The following NPAS3 variants were observed in gnomAD, a reference collection of about 807,000 sequenced individuals.
NPAS3 encodes the protein neuronal PAS domain protein 3, also known as neuronal PAS domain-containing protein 3.
A neutral mutation model predicts 73.1 loss-of-function variants in NPAS3; 14 were observed. That is an observed-to-expected ratio of 0.19 (90% confidence interval 0.13 to 0.30). The LOEUF (loss-of-function observed/expected upper bound fraction) is 0.30. NPAS3 is among the 10% of genes least tolerant of loss of function. The pLI is 1.00. For synonymous variants in NPAS3, 620 were observed against 541.5 expected, an observed-to-expected ratio of 1.14 and a Z score of -2.01; for missense variants, 1,096 against 1,250.0, an observed-to-expected ratio of 0.88 and a Z score of 1.86.
intron 4 of NPAS3, among the ~76,000 whole-genome samples, chr14:33,480,496 T>A (rs1249992860): frequency 6.6e-6 from 1 of 150,786 alleles, no homozygotes; most frequent in Admixed American, 6.6e-5. Flanking sequence ...TCTCTCCGTC[T>A]GTCTCTCTCT....
intron 3 of NPAS3, among the ~76,000 whole-genome samples, chr14:33,337,276 A>G (rs4982071): frequency 0.62 from 94,896 of 151,956 alleles, 30,555 homozygotes; most frequent in Admixed American, 0.74. Flanking sequence ...ATTTACTCAA[A>G]TGTCCATGTT....
chr14:33,523,112 G>A (rs1045964170), intron 4 of NPAS3, among the ~76,000 whole-genome samples: 1 of 152,074 alleles, frequency 6.6e-6, no homozygotes, highest in Non-Finnish European at 1.5e-5. Context: ...TTATAATCCA[G>A]TAGAAGAAAT....
intron 2 of NPAS3, among the ~76,000 whole-genome samples, chr14:33,207,273 A>ACG (rs1566677274): frequency 1.7e-5 from 2 of 115,334 alleles, no homozygotes; most frequent in African/African-American, 7.2e-5. Context: ...ACACGCACAC[A>ACG]CACACACACA....
chr14:33,404,464 T>A (rs1308895329), intron 4 of NPAS3, among the ~76,000 whole-genome samples: 1 of 152,152 alleles, frequency 6.6e-6, no homozygotes, highest in East Asian at 1.9e-4. Context: ...TAATGGGTAC[T>A]TCATTTTTAA....
intron 2 of NPAS3, among the ~76,000 whole-genome samples, chr14:33,139,727 T>G (rs559743674): frequency 3.3e-5 from 5 of 152,280 alleles, no homozygotes; most frequent in Non-Finnish European, 5.9e-5. Context: ...GAAATAAAAA[T>G]ATGTTTCCTC....
chr14:33,520,937 T>C (rs1311897122), intron 4 of NPAS3, among the ~76,000 whole-genome samples: 1 of 152,176 alleles, frequency 6.6e-6, no homozygotes, highest in East Asian at 1.9e-4. Flanking sequence ...AATCGGATGA[T>C]AATGTGGTAA....
At chr14:33,002,397 A>G (rs1280046990) in intron 1 of NPAS3, among the ~76,000 whole-genome samples, 6 of 152,222 alleles carry the variant, frequency 3.9e-5, no homozygotes, top group Non-Finnish European at 7.3e-5. Context: ...ATTGGGAGCC[A>G]TTGATGGCTT....
chr14:33,288,416 G>A (rs768216728), intron 3 of NPAS3, among the ~76,000 whole-genome samples: 2 of 152,062 alleles, frequency 1.3e-5, no homozygotes, highest in African/African-American at 2.4e-5. Flanking sequence ...ACTTTGGAAT[G>A]GGCGAGCATG....
intron 4 of NPAS3, among the ~76,000 whole-genome samples, chr14:33,402,221 G>A (rs2138764233): frequency 6.6e-6 from 1 of 152,130 alleles, no homozygotes; most frequent in Non-Finnish European, 1.5e-5. Flanking sequence ...TGCTCAGTTT[G>A]TGGTGTCCTT....
intron 3 of NPAS3, among the ~76,000 whole-genome samples, chr14:33,344,022 G>A (rs545672835): frequency 8.5e-5 from 13 of 152,300 alleles, no homozygotes; most frequent in African/African-American, 2.4e-4. Flanking sequence ...TTCCCTTTAC[G>A]TGTTGTGACG....
At chr14:33,586,857 T>C (rs2056879364) in intron 5 of NPAS3, among the ~76,000 whole-genome samples, 1 of 152,196 alleles carries the variant, frequency 6.6e-6, no homozygotes, top group African/African-American at 2.4e-5. Context: ...GTGGATATCA[T>C]GCAACTCGAG....
chr14:33,296,296 A>G (rs1332728759), intron 3 of NPAS3, among the ~76,000 whole-genome samples: 1 of 152,208 alleles, frequency 6.6e-6, no homozygotes, highest in Non-Finnish European at 1.5e-5. Context: ...ATATATTTAT[A>G]TAGACATCAT....
At chr14:33,074,145 A>T (rs889440175) in intron 2 of NPAS3, among the ~76,000 whole-genome samples, 1 of 152,210 alleles carries the variant, frequency 6.6e-6, no homozygotes, top group African/African-American at 2.4e-5. Context: ...AGAAGAACTT[A>T]TGAGATAGTG....
At chr14:33,325,517 G>T (rs1470565085) in intron 3 of NPAS3, among the ~76,000 whole-genome samples, 1 of 151,898 alleles carries the variant, frequency 6.6e-6, no homozygotes, top group East Asian at 1.9e-4. Flanking sequence ...GTGGTGGTGG[G>T]TGCTTGTAAT....
At chr14:33,762,187 G>A (rs1321884299) in intron 7 of NPAS3, among the ~76,000 whole-genome samples, 5 of 151,946 alleles carry the variant, frequency 3.3e-5, no homozygotes, top group African/African-American at 9.7e-5. Context: ...CAACTGTATT[G>A]TATGCTAAAC....
chr14:33,228,997 G>A (rs1594453398), intron 3 of NPAS3, among the ~76,000 whole-genome samples: 1 of 152,182 alleles, frequency 6.6e-6, no homozygotes, highest in Non-Finnish European at 1.5e-5. Context: ...TTGGTGTTGG[G>A]GAATTTATTA....
intron 2 of NPAS3, among the ~76,000 whole-genome samples, chr14:33,211,655 T>C (rs944374681): frequency 2.0e-5 from 3 of 152,220 alleles, no homozygotes; most frequent in African/African-American, 7.2e-5. Context: ...TATCTATCTA[T>C]CTATATATTT....
chr14:33,768,395 T>C (rs544866968), intron 7 of NPAS3, among the ~76,000 whole-genome samples: 1 of 152,298 alleles, frequency 6.6e-6, no homozygotes, highest in African/African-American at 2.4e-5. Context: ...AGATGAACTT[T>C]TTGAACACTG....
chr14:33,677,184 A>G (rs1171531168), intron 6 of NPAS3, among the ~76,000 whole-genome samples: 2 of 152,212 alleles, frequency 1.3e-5, no homozygotes, highest in African/African-American at 2.4e-5. Context: ...TGGTAATTAG[A>G]TCTGCGAAGG....
Sources: allele counts gnomAD v4.1 joint callset (sites outside exome capture counted in the v4.1 genomes callset), GRCh38; gene constraint gnomAD v4.1.1; transcripts MANE v1.5; gene names NCBI Gene and HGNC (gene_info 2026-07-23, HGNC 2026-07-21).